Variants in GP6 observed in about 807,000 individuals in gnomAD.
The protein encoded by GP6 is platelet glycoprotein VI.
A neutral mutation model predicts 37.3 loss-of-function variants in GP6; 45 were observed. The ratio of observed to expected loss-of-function variants is 1.21; its 90% confidence interval spans 0.95 to 1.55. GP6 has a LOEUF of 1.55. Ranked by LOEUF, GP6 falls within the 40% of genes most tolerant of loss-of-function variation. The pLI, the probability that GP6 is intolerant of heterozygous loss-of-function variation, is 0.00. For synonymous variants in GP6, 340 were observed against 316.4 expected (o/e 1.07, Z -0.79); for missense variants, 813 against 760.2 (o/e 1.07, Z -0.82).
At chr19:55,030,501 G>C (rs2074519107) in intron 3 of GP6, among the ~76,000 whole-genome samples, 1 of 151,206 alleles carries the variant, frequency 6.6e-6, no homozygotes, top group African/African-American at 2.5e-5. Context: ...ACCGCGCCCA[G>C]CTAATTATTA....
At chr19:55,029,108 A>AAGGG (rs937271107) in intron 3 of GP6, among the ~76,000 whole-genome samples, 1 of 147,670 alleles carries the variant, frequency 6.8e-6, no homozygotes, top group South Asian at 2.1e-4. Flanking sequence ...AAGAGGAAGG[A>AAGGG]AGGGAGGGAG....
chr19:55,033,162 C>T (rs1204819058), intron 1 of GP6, among the ~76,000 whole-genome samples: 1 of 147,098 alleles, frequency 6.8e-6, no homozygotes, highest in South Asian at 2.2e-4. Flanking sequence ...TCGTGTTAGA[C>T]GCGGTGGGTT....
At chr19:55,024,648 C>T (rs1221775170) in intron 5 of GP6, among the ~76,000 whole-genome samples, 1 of 152,160 alleles carries the variant, frequency 6.6e-6, no homozygotes, top group Non-Finnish European at 1.5e-5. Context: ...ACAAAACTTA[C>T]CGCAGTGGTT....
chr19:55,029,490 A>G (rs531824359), intron 3 of GP6, among the ~76,000 whole-genome samples: 1 of 144,750 alleles, frequency 6.9e-6, no homozygotes, highest in Admixed American at 7.1e-5. Context: ...TCCTGGGTTC[A>G]AGCGATTCTC....
chr19:55,032,642 T>A, intron 1 of GP6, 104 bp from the exon 2 acceptor site: 2 of 1,183,458 alleles, frequency 1.7e-6, no homozygotes, highest in Non-Finnish European at 2.5e-6. Flanking sequence ...CTTTACTCTG[T>A]CCTAATAATT....
At position 55,017,298 on chromosome 19, in the gene GP6, G is replaced by T. The variant is rs151082866; in HGVS notation, c.724+1354C>A. ...CGCCCGGCTAATTTTTGTATTTTCA[G>T]TAGAGACGGGGTTTCAGCATGTTGG... On this transcript the variant is annotated intron_variant, in intron 6 of 7. Transcript: ENST00000310373. 4.4e-3 allele frequency among the ~76,000 whole-genome samples: 662 copies of T among 152,080 alleles called. 1 individual carries two copies. The highest frequency in any genetic ancestry group is 7.5e-3 in the Non-Finnish European group (512 of 68,000).
At chr19:55,015,581 AC>A in intron 7 of GP6, 101 bp downstream of exon 7, 1 of 783,428 alleles carries the variant, frequency 1.3e-6, no homozygotes, top group East Asian at 2.5e-5. Flanking sequence ...ACACACTGGA[AC>A]CCAAGATCTG....
At chr19:55,023,778 C>T (rs1283554868) in intron 5 of GP6, among the ~76,000 whole-genome samples, 1 of 152,170 alleles carries the variant, frequency 6.6e-6, no homozygotes, top group Non-Finnish European at 1.5e-5. Context: ...ATCATTGATA[C>T]ATACAGCAGC....
chr19:55,031,498 T>G (rs565182947), intron 3 of GP6, among the ~76,000 whole-genome samples: 31 of 152,322 alleles, frequency 2.0e-4, no homozygotes, highest in African/African-American at 7.2e-4. Flanking sequence ...TGTTTTTCGT[T>G]TTGGCACAGA....
chr19:55,033,456 T>A (rs1053378761), intron 1 of GP6, among the ~76,000 whole-genome samples: 5 of 78,050 alleles, frequency 6.4e-5, no homozygotes, highest in East Asian at 3.7e-4. Context: ...TTAGACGCGG[T>A]GGGCTCGTTC....
chr19:55,027,770 A>T lies in GP6; in HGVS notation c.418T>A (p.Phe140Ile). The T allele has an allele frequency of 6.2e-7, 1 of 1,613,992 alleles. No individual in the cohort carries two copies. ...TCCTTGTACAGAGCAAATTGGTCAA[A>T]GCCATACCGAGTCTGACACTGTAGG... Residue 140 changes from phenylalanine (F) to isoleucine (I), a missense_variant, in exon 4 of 8, where the codon TTT (phenylalanine) becomes ATT (isoleucine). Coordinates refer to ENST00000310373, the MANE Select transcript of GP6 (RefSeq NM_001083899.2).
chr19:55,014,747 A>T lies in GP6; in HGVS notation c.1198T>A (p.Ser400Thr), dbSNP rs769390004. 1 of 1,613,870 alleles carries T rather than the reference A, an allele frequency of 6.2e-7. No individual in the cohort carries two copies. Among genetic ancestry groups the T allele is most frequent in the Non-Finnish European group, 8.5e-7 (1 of 1,179,946 alleles). The change falls in exon 8 of 8, where the codon TCT becomes ACT. Residue 400 changes from serine (S) to threonine (T), a missense_variant. Physicochemically the swap from Ser to Thr is moderately conservative, Grantham distance 58. Coordinates refer to ENST00000310373, the MANE Select transcript of GP6 (RefSeq NM_001083899.2). ...CTCAGACAGAGAGGCAGACAGACAG[A>T]CAGACACTGGCCGAACGGCTCCCTG...
intron 1 of GP6, among the ~76,000 whole-genome samples, chr19:55,034,716 T>TACACACACACACACACACACAC (rs796869786): frequency 6.8e-6 from 1 of 148,042 alleles, no homozygotes; most frequent in Non-Finnish European, 1.5e-5. Flanking sequence ...CCCTCATTCT[T>TACACACACACACACACACACAC]ACACACACAC....
intron 6 of GP6, among the ~76,000 whole-genome samples, chr19:55,015,999 C>T (rs1019443712): frequency 2.0e-5 from 3 of 151,940 alleles, no homozygotes; most frequent in Admixed American, 6.6e-5. Flanking sequence ...ATTAGCCAGG[C>T]GTGGTGGCAC....
Position 55,029,354 on chromosome 19 carries a change from ATATATATATATATATATATATTTTTTTTT to A in GP6, c.326-1521_326-1493del, listed in dbSNP as rs1568628945. On this transcript the variant is annotated intron_variant, in intron 3 of 7. Transcript: ENST00000310373. ...TATATATATATATATATATATATAT[ATATATATATATATATATATATTTTTTTTT>A]TTTTTTTTTTTTTTTTTTTTTTTGG... is the stretch of plus-strand genomic sequence containing the variant. 8.1e-3 allele frequency among the ~76,000 whole-genome samples: 21 copies of A among 2,580 alleles called. 1 individual carries two copies. The highest frequency in any genetic ancestry group is 0.021 in the Admixed American group (3 of 142). 1.7% of individuals were successfully genotyped at this position (2,580 alleles called of 152,430 possible).
At chr19:55,026,022 A>C (rs1039354456) in intron 4 of GP6, among the ~76,000 whole-genome samples, 2 of 146,852 alleles carry the variant, frequency 1.4e-5, no homozygotes, top group Non-Finnish European at 3.0e-5. Context: ...AAAAAAAAAA[A>C]GCAGCAGCAT....
chr19:55,021,520 G>GTTTTTT (rs1555797168), intron 5 of GP6, among the ~76,000 whole-genome samples: 1 of 126,246 alleles, frequency 7.9e-6, no homozygotes, highest in Non-Finnish European at 1.6e-5. Flanking sequence ...ACTTTTGTTG[G>GTTTTTT]TTTTTTTTTT....
At chr19:55,025,334 A>G (rs2146797369) in intron 4 of GP6, 63 bp from the exon 5 acceptor site, 1 of 1,012,836 alleles carries the variant, frequency 9.9e-7, no homozygotes, top group South Asian at 1.4e-5. Context: ...ACAAATAACG[A>G]AACATCTCCG....
chr19:55,034,426 CGT>C (rs1313840684), intron 1 of GP6, among the ~76,000 whole-genome samples: 2 of 151,998 alleles, frequency 1.3e-5, no homozygotes, highest in Admixed American at 1.3e-4. Context: ...CATGGTGGCA[CGT>C]GCCTGTAATC....
Sources: gnomAD v4.1 joint callset for allele counts (sites outside exome capture counted in the v4.1 genomes callset) on GRCh38, gnomAD v4.1.1 for gene constraint, MANE v1.5 for transcripts, NCBI Gene and HGNC (gene_info 2026-07-23, HGNC 2026-07-21) for gene names.